The following MVB12B variants were observed in gnomAD, a reference collection of about 807,000 sequenced individuals.
MVB12B encodes ESCRT-I complex subunit MVB12B.
MVB12B carries 16 observed loss-of-function variants against 41.6 expected under a neutral mutation model. The observed-to-expected ratio is 0.38, with a 90% CI of 0.26 to 0.58. The LOEUF (loss-of-function observed/expected upper bound fraction) is 0.58, where lower values mean the gene tolerates loss of function less well. Ranked by LOEUF, MVB12B falls within the 20% of genes least tolerant of loss-of-function variation. The pLI is 0.62. For missense variants in MVB12B, 274 were observed against 380.2 expected, an observed-to-expected ratio of 0.72 and a Z score of 2.32; for synonymous variants, 133 against 139.7, an observed-to-expected ratio of 0.95 and a Z score of 0.34.
intron 2 of MVB12B, among the ~76,000 whole-genome samples, chr9:126,365,220 A>ATTTTTTTTTTT (rs71377933): frequency 8.2e-6 from 1 of 122,624 alleles, no homozygotes; most frequent in African/African-American, 3.2e-5. Flanking sequence ...CACCCAGCTA[A>ATTTTTTTTTTT]TTTTTTTTTT....
intron 2 of MVB12B, among the ~76,000 whole-genome samples, chr9:126,373,363 T>C (rs1418493437): frequency 6.6e-6 from 1 of 152,240 alleles, no homozygotes; most frequent in Admixed American, 6.5e-5. Context: ...TTATTGAGTT[T>C]AAGTGGCTCA....
chr9:126,358,328 T>C (rs912831994), intron 2 of MVB12B, among the ~76,000 whole-genome samples: 3 of 152,004 alleles, frequency 2.0e-5, no homozygotes, highest in Non-Finnish European at 2.9e-5. Flanking sequence ...AATAAGCATG[T>C]CAATTTTTAC....
chr9:126,503,281 G>A lies in MVB12B; in HGVS notation c.*18G>A, dbSNP rs982939512. ...AGTCCTGAGGAGCCAGCGGCCACCT[G>A]CGGGGAGACCACCGCCGCCCAGACT... On this transcript the variant is annotated 3_prime_UTR_variant, in exon 10 of 10. Transcript: ENST00000361171. The A allele has an allele frequency of 6.5e-7, 1 of 1,547,130 alleles. No homozygotes were observed. Among genetic ancestry groups the A allele is most frequent in the African/African-American group, 1.4e-5 (1 of 72,982 alleles).
At chr9:126,373,875 TTAAAAATACTC>T in intron 2 of MVB12B, among the ~76,000 whole-genome samples, 1 of 152,198 alleles carries the variant, frequency 6.6e-6, no homozygotes, top group South Asian at 2.1e-4. Context: ...AAAAAGAACA[TTAAAAATACTC>T]ATAATCTCAA....
At chr9:126,358,911 T>C (rs1000551853) in intron 2 of MVB12B, among the ~76,000 whole-genome samples, 15 of 152,240 alleles carry the variant, frequency 9.9e-5, no homozygotes, top group Non-Finnish European at 2.2e-4. Context: ...CATTTAAATA[T>C]GGCATTTGCT....
intron 9 of MVB12B, among the ~76,000 whole-genome samples, chr9:126,494,002 A>C (rs1382415766): frequency 6.6e-6 from 1 of 152,100 alleles, no homozygotes; most frequent in Non-Finnish European, 1.5e-5. Context: ...GCAGGTCCCC[A>C]GGCCTCCTTA....
rs1383644033 is a variant in MVB12B at position 126,340,064 on chromosome 9, G to C, written c.82-444G>C. On this transcript the variant is annotated intron_variant, in intron 1 of 9. Coordinates refer to ENST00000361171, the MANE Select transcript of MVB12B (RefSeq NM_033446.3). The surrounding 1 kb of genome is among the most constrained non-coding windows in gnomAD (Gnocchi z 4.0). ...TCTTTGCAAAGCTCTGCGTGCTGAA[G>C]GCCTAACCTTGGCTGTGGGTTTGGA... Among the ~76,000 whole-genome samples, 1 of 152,138 alleles carries C rather than the reference G, an allele frequency of 6.6e-6. No homozygotes were observed. The highest frequency in any genetic ancestry group is 1.5e-5 in the Non-Finnish European group (1 of 68,032).
chr9:126,340,107 G>A lies in MVB12B; in HGVS notation c.82-401G>A, dbSNP rs1829400933. ...GGTTTGGAAGTCTAGGCCTCCGTAG[G>A]AGAGATTGCAAGGGAGAGAGAGGAA... On this transcript the variant is annotated intron_variant, in intron 1 of 9. Transcript: ENST00000361171. The surrounding 1 kb of genome is among the most constrained non-coding windows in gnomAD (Gnocchi z 4.0). Among the ~76,000 whole-genome samples the A allele has an allele frequency of 6.6e-6, 1 of 152,128 alleles. No individual in the cohort carries two copies. Among genetic ancestry groups the A allele is most frequent in the Non-Finnish European group, 1.5e-5 (1 of 68,036 alleles).
At chr9:126,396,815 G>A in intron 6 of MVB12B, 1 of 985,458 alleles carries the variant, frequency 1.0e-6, no homozygotes. Flanking sequence ...GTTTCATTTG[G>A]CATAAAAAGA....
At chr9:126,399,201 C>T (rs934582046) in intron 6 of MVB12B, among the ~76,000 whole-genome samples, 1 of 152,234 alleles carries the variant, frequency 6.6e-6, no homozygotes, top group African/African-American at 2.4e-5. Flanking sequence ...TCCTCTCCCT[C>T]ATACAGTGAT....
intron 3 of MVB12B, among the ~76,000 whole-genome samples, 155 bp downstream of exon 3, chr9:126,381,326 C>G (rs1216489907): frequency 6.6e-6 from 1 of 152,198 alleles, no homozygotes; most frequent in Non-Finnish European, 1.5e-5. Context: ...GCAGCCAGCA[C>G]TGTGTTTCAT....
intron 6 of MVB12B, among the ~76,000 whole-genome samples, chr9:126,417,924 A>T (rs1463323680): frequency 6.6e-6 from 1 of 152,156 alleles, no homozygotes; most frequent in African/African-American, 2.4e-5. Context: ...GATTCCTAGG[A>T]AGAGGGAGTG....
At chr9:126,411,048 C>T (rs1043703982) in intron 6 of MVB12B, among the ~76,000 whole-genome samples, 2 of 151,994 alleles carry the variant, frequency 1.3e-5, no homozygotes, top group Admixed American at 6.6e-5. Flanking sequence ...CCACCACGCC[C>T]GGCTAATTTT....
intron 3 of MVB12B, among the ~76,000 whole-genome samples, chr9:126,384,271 C>A (rs1466658526): frequency 6.6e-6 from 1 of 152,032 alleles, no homozygotes; most frequent in Non-Finnish European, 1.5e-5. Flanking sequence ...GGCCCAGCTA[C>A]CTGGAATGTC....
rs527678470 is a variant in MVB12B, at chr9:126,466,550, T to C, written c.758-14819T>C. Among the ~76,000 whole-genome samples, 3 of 152,170 alleles carry C rather than the reference T, an allele frequency of 2.0e-5. No homozygotes were observed. The South Asian group carries it at 6.2e-4, about 32-fold the overall frequency. ...ACATGACCGCGTAGGTGACAAATGG[T>C]GGGATTTGCCACCATTTTTGCCATC... On this transcript the variant is annotated intron_variant, in intron 7 of 9. Transcript: ENST00000361171.
intron 7 of MVB12B, among the ~76,000 whole-genome samples, chr9:126,456,700 C>A (rs1175561118): frequency 6.6e-6 from 1 of 152,168 alleles, no homozygotes; most frequent in Non-Finnish European, 1.5e-5. Flanking sequence ...TCCTTTTCCT[C>A]CTGGGATATG....
At chr9:126,384,187 G>A (rs1196031289) in intron 3 of MVB12B, among the ~76,000 whole-genome samples, 1 of 152,062 alleles carries the variant, frequency 6.6e-6, no homozygotes, top group Non-Finnish European at 1.5e-5. Context: ...CTTCCTACAC[G>A]GTCAGAGATT....
intron 7 of MVB12B, among the ~76,000 whole-genome samples, chr9:126,446,238 T>C (rs1265350096): frequency 6.6e-6 from 1 of 152,116 alleles, no homozygotes; most frequent in African/African-American, 2.4e-5. Flanking sequence ...TTCTCACTTA[T>C]TGACAGATAC....
intron 2 of MVB12B, among the ~76,000 whole-genome samples, chr9:126,342,540 T>C (rs1355210792): frequency 3.3e-5 from 5 of 152,152 alleles, no homozygotes; most frequent in Non-Finnish European, 5.9e-5. Context: ...TGCTGTGCCA[T>C]GCATTTTAGT....
Sources: allele counts gnomAD v4.1 joint callset (sites outside exome capture counted in the v4.1 genomes callset), GRCh38; gene constraint gnomAD v4.1.1; non-coding constraint Gnocchi (gnomAD v3.1); transcripts MANE v1.5; gene names NCBI Gene and HGNC (gene_info 2026-07-23, HGNC 2026-07-21).